Variants in CNTNAP4 observed in about 807,000 individuals in gnomAD.
CNTNAP4 encodes the protein contactin-associated protein-like 4.
CNTNAP4 carries 98 observed loss-of-function variants against 148.4 expected under a neutral mutation model. That is an observed-to-expected ratio of 0.66 (90% CI 0.56 to 0.78). The LOEUF is 0.78. Among genes scored for constraint, CNTNAP4 ranks in the 30% least tolerant of loss-of-function variants. CNTNAP4 has a pLI of 0.00. For missense variants in CNTNAP4, 1,935 were observed against 1,565.6 expected (o/e 1.24, Z -3.98); for synonymous variants, 730 against 565.1 (o/e 1.29, Z -4.14).
At chr16:76,293,838 A>T (rs1374947755) in intron 1 of CNTNAP4, among the ~76,000 whole-genome samples, 4,201 of 150,134 alleles carry the variant, frequency 0.028, 193 homozygotes, top group African/African-American at 0.099. Flanking sequence ...TTTTTTTTAA[A>T]AAAAAGGATA....
intron 1 of CNTNAP4, among the ~76,000 whole-genome samples, chr16:76,299,544 G>C (rs1959707099): frequency 6.6e-6 from 1 of 152,128 alleles, no homozygotes; most frequent in African/African-American, 2.4e-5. Context: ...TACACTGTTG[G>C]TGGGACTGTA....
rs922168719 is a variant in CNTNAP4, at chr16:76,452,676, C to T, written c.1240C>T (p.Leu414=). The change falls in exon 8 of 24, where the codon CTG becomes TTG. Residue 414 remains leucine (L), a synonymous_variant. Transcript: ENST00000611870. ...GCTTCTGCTGTTCAGTGAACTTCAG[C>T]TGATTTCAGGGGGTATCCTCCTCTT... ...AGLLLFSELQ[L]ISGGILLFLS... 2.5e-6 allele frequency: 4 copies of T among 1,613,756 alleles called. No individual in the cohort carries two copies. Among genetic ancestry groups the T allele is most frequent in the Non-Finnish European group, 3.4e-6 (4 of 1,179,814 alleles).
intron 7 of CNTNAP4, among the ~76,000 whole-genome samples, chr16:76,451,811 T>C (rs572446392): frequency 6.8e-4 from 103 of 152,224 alleles, no homozygotes; most frequent in African/African-American, 2.4e-3. Flanking sequence ...ATTCTAGTTT[T>C]CAATAGCACA....
intron 2 of CNTNAP4, among the ~76,000 whole-genome samples, chr16:76,327,230 G>T (rs1188085131): frequency 6.6e-6 from 1 of 152,148 alleles, no homozygotes; most frequent in Non-Finnish European, 1.5e-5. Context: ...GTATTCCTCA[G>T]TGTCTTTTGT....
At chr16:76,486,842 T>C (rs35388921) in intron 12 of CNTNAP4, among the ~76,000 whole-genome samples, 100,976 of 152,086 alleles carry the variant, frequency 0.66, 40,694 homozygotes, top group Non-Finnish European at 0.88. Flanking sequence ...AACCTCCTCT[T>C]GTGGTGCAAG....
intron 4 of CNTNAP4, among the ~76,000 whole-genome samples, chr16:76,435,684 C>A (rs2079798415): frequency 6.6e-6 from 1 of 152,136 alleles, no homozygotes; most frequent in Non-Finnish European, 1.5e-5. Context: ...CCATCCCCAT[C>A]TCCCTAAGCC....
intron 3 of CNTNAP4, among the ~76,000 whole-genome samples, chr16:76,392,789 A>G (rs551486000): frequency 1.3e-5 from 2 of 152,202 alleles, no homozygotes; most frequent in East Asian, 3.9e-4. Flanking sequence ...ACATGTCCTC[A>G]TTACCTGGGC....
At chr16:76,329,463 C>T (rs1218121341) in intron 2 of CNTNAP4, among the ~76,000 whole-genome samples, 4 of 152,106 alleles carry the variant, frequency 2.6e-5, no homozygotes, top group African/African-American at 9.7e-5. Flanking sequence ...GCACTATCTC[C>T]TTTGATTTTT....
At chr16:76,453,219 T>C (rs916368781) in intron 8 of CNTNAP4, among the ~76,000 whole-genome samples, 1 of 152,212 alleles carries the variant, frequency 6.6e-6, no homozygotes, top group Non-Finnish European at 1.5e-5. Context: ...TCTGTATGAG[T>C]GTACAGTGTG....
At chr16:76,413,655 G>T (rs1462383760) in intron 3 of CNTNAP4, among the ~76,000 whole-genome samples, 1 of 150,522 alleles carries the variant, frequency 6.6e-6, no homozygotes, top group Admixed American at 6.6e-5. Flanking sequence ...TAACTATCTT[G>T]TAATTTGTGC....
intron 3 of CNTNAP4, among the ~76,000 whole-genome samples, chr16:76,365,903 A>G (rs889294840): frequency 2.0e-5 from 3 of 152,144 alleles, no homozygotes; most frequent in Non-Finnish European, 4.4e-5. Flanking sequence ...TAAAAGAAAT[A>G]CAAACGCCAT....
intron 3 of CNTNAP4, among the ~76,000 whole-genome samples, chr16:76,363,474 C>T (rs2013696513): frequency 1.3e-5 from 2 of 151,904 alleles, no homozygotes; most frequent in South Asian, 4.2e-4. Flanking sequence ...GACCCTTATA[C>T]CGTATGCAAA....
chr16:76,383,992 C>T (rs894816985), intron 3 of CNTNAP4, among the ~76,000 whole-genome samples: 71 of 152,096 alleles, frequency 4.7e-4, no homozygotes, highest in African/African-American at 1.7e-3. Flanking sequence ...GTAAAGTTCT[C>T]AGTTTTTTGT....
rs147462068 is a variant in CNTNAP4, at chr16:76,538,360, G to A, written c.3220+20G>A. 1.3e-6 allele frequency: 2 copies of A among 1,541,330 alleles called. No individual in the cohort carries two copies. Among genetic ancestry groups the A allele is most frequent in the Non-Finnish European group, 1.8e-6 (2 of 1,120,068 alleles). The stretch of plus-strand genomic sequence containing the variant: ...AAAATGGTGAGTTCTTTTTAGATGA[G>A]AGAGAGAAAATTAAATTAGAACACT... On this transcript the variant is annotated intron_variant, in intron 19 of 23. Transcript: ENST00000611870.
intron 2 of CNTNAP4, among the ~76,000 whole-genome samples, chr16:76,348,523 A>T (rs975778457): frequency 4.6e-5 from 7 of 152,178 alleles, no homozygotes; most frequent in Non-Finnish European, 1.0e-4. Context: ...ATAAAAGAAG[A>T]AACCAGCAAT....
chr16:76,299,723 T>C (rs977162569), intron 1 of CNTNAP4, among the ~76,000 whole-genome samples: 8 of 152,150 alleles, frequency 5.3e-5, no homozygotes, highest in African/African-American at 1.9e-4. Flanking sequence ...CTATTCACAG[T>C]AGCAAAGACT....
At chr16:76,338,877 C>T (rs1597243739) in intron 2 of CNTNAP4, among the ~76,000 whole-genome samples, 1 of 152,290 alleles carries the variant, frequency 6.6e-6, no homozygotes, top group East Asian at 1.9e-4. Context: ...GACAGTGAAG[C>T]CCTTAGTACA....
intron 3 of CNTNAP4, among the ~76,000 whole-genome samples, chr16:76,370,494 GA>G (rs879940175): frequency 5.9e-5 from 9 of 152,140 alleles, no homozygotes; most frequent in Admixed American, 2.0e-4. Flanking sequence ...AAAGTGGGAA[GA>G]AATACCCTGG....
chr16:76,434,728 A>G (rs1047080620), intron 4 of CNTNAP4, among the ~76,000 whole-genome samples: 4 of 152,162 alleles, frequency 2.6e-5, no homozygotes, highest in African/African-American at 9.6e-5. Context: ...CTTTCCCACC[A>G]TAATAGCCCT....
Sources: allele counts gnomAD v4.1 joint callset (sites outside exome capture counted in the v4.1 genomes callset), GRCh38; gene constraint gnomAD v4.1.1; transcripts MANE v1.5; gene names NCBI Gene and HGNC (gene_info 2026-07-23, HGNC 2026-07-21).